BCL2: variants seen among roughly 807,000 people sequenced by gnomAD.
BCL2 encodes the protein apoptosis regulator Bcl-2.
A neutral mutation model predicts 14.2 loss-of-function variants in BCL2; 1 was observed. That is an observed-to-expected ratio of 0.07 (90% confidence interval 0.02 to 0.33). The LOEUF is 0.33. BCL2 is among the 10% of genes least tolerant of loss of function. The probability of loss-of-function intolerance (pLI) is 0.99; values close to 1 mark genes in which losing one functional copy is unlikely to be tolerated. For missense variants in BCL2, 247 were observed against 305.9 expected (o/e 0.81, Z 1.44); for synonymous variants, 151 against 137.2 (o/e 1.10, Z -0.70).
At chr18:63,158,579 G>C (rs755949175) in intron 2 of BCL2, among the ~76,000 whole-genome samples, 1 of 152,104 alleles carries the variant, frequency 6.6e-6, no homozygotes, top group Non-Finnish European at 1.5e-5. Context: ...TTAGGCAGTG[G>C]ACACAAGCCT....
At chr18:63,174,712 CG>C (rs1235876057) in intron 2 of BCL2, among the ~76,000 whole-genome samples, 1 of 149,438 alleles carries the variant, frequency 6.7e-6, no homozygotes, top group African/African-American at 2.5e-5. Context: ...CCCAGCTACT[CG>C]GGGGGCTGAG....
intron 2 of BCL2, among the ~76,000 whole-genome samples, chr18:63,152,843 T>C (rs766199251): frequency 1.3e-5 from 2 of 152,228 alleles, no homozygotes; most frequent in Non-Finnish European, 2.9e-5. Context: ...TTTTGTATTT[T>C]CCACCTATTT....
chr18:63,257,248 C>T lies in BCL2; in HGVS notation c.585+60834G>A, dbSNP rs571693008. On this transcript the variant is annotated intron_variant, in intron 2 of 2. Transcript: ENST00000333681. ...CTAAAAACTCACAGAGAGACCCATG[C>T]GGCTACTGTGTCATGTGATCAAACA... Among the ~76,000 whole-genome samples the T allele has an allele frequency of 3.9e-5, 6 of 152,310 alleles. No homozygotes were observed. In the South Asian group the frequency reaches 6.2e-4, roughly 16 times the overall value.
At chr18:63,287,785 A>T (rs902699594) in intron 2 of BCL2, among the ~76,000 whole-genome samples, 5 of 152,220 alleles carry the variant, frequency 3.3e-5, no homozygotes, top group African/African-American at 2.4e-5. Flanking sequence ...AAAACCTAAA[A>T]ACCAGAGATC....
At chr18:63,221,437 A>T (rs974942120) in intron 2 of BCL2, among the ~76,000 whole-genome samples, 2 of 152,224 alleles carry the variant, frequency 1.3e-5, no homozygotes, top group Non-Finnish European at 2.9e-5. Flanking sequence ...GGAAAAAAGG[A>T]AGGAAAAGGG....
intron 2 of BCL2, among the ~76,000 whole-genome samples, chr18:63,228,148 T>C (rs1334876283): frequency 6.6e-6 from 1 of 152,208 alleles, no homozygotes; most frequent in African/African-American, 2.4e-5. Flanking sequence ...GTGAGGGCCC[T>C]GCTGTTCTGA....
intron 2 of BCL2, among the ~76,000 whole-genome samples, chr18:63,158,382 A>C (rs2144615941): frequency 6.6e-6 from 1 of 152,166 alleles, no homozygotes; most frequent in African/African-American, 2.4e-5. Flanking sequence ...GGACTTCACT[A>C]ATTAGCATAG....
intron 2 of BCL2, among the ~76,000 whole-genome samples, chr18:63,166,677 C>A (rs900539643): frequency 2.0e-5 from 3 of 152,214 alleles, no homozygotes; most frequent in African/African-American, 7.2e-5. Flanking sequence ...CAACACTGGG[C>A]AGATGCTATC....
At chr18:63,159,618 G>A (rs750077074) in intron 2 of BCL2, among the ~76,000 whole-genome samples, 6 of 152,284 alleles carry the variant, frequency 3.9e-5, no homozygotes, top group Non-Finnish European at 5.9e-5. Context: ...GTGAGTGAGT[G>A]GACATTTATT....
At position 63,318,999 on chromosome 18, in the gene BCL2, C is replaced by T. The variant is rs935139908; in HGVS notation, c.-286-47G>A. On this transcript the variant is annotated intron_variant, in intron 1 of 2. Coordinates refer to ENST00000333681, the MANE Select transcript of BCL2 (RefSeq NM_000633.3). The surrounding 1 kb of genome is among the most constrained non-coding windows in gnomAD (Gnocchi z 7.4). ...AAACTAATAAGTAAAAAATCAGGTG[C>T]GTTTCCCTGTACACACTGAGTGAAA... 5 of 1,229,952 alleles carry T rather than the reference C, an allele frequency of 4.1e-6. No homozygotes were observed. In the Admixed American group the frequency reaches 1.7e-4, roughly 42 times the overall value. The allele number at this position is 1,229,952 out of a possible 1,614,324, so 76.2% of individuals were successfully genotyped here.
At chr18:63,271,258 T>C (rs1911995399) in intron 2 of BCL2, among the ~76,000 whole-genome samples, 1 of 152,202 alleles carries the variant, frequency 6.6e-6, no homozygotes, top group East Asian at 1.9e-4. Context: ...GGAATTCTTA[T>C]AAAATAATAA....
chr18:63,313,290 T>G (rs1913393318), intron 2 of BCL2, among the ~76,000 whole-genome samples: 1 of 152,214 alleles, frequency 6.6e-6, no homozygotes, highest in African/African-American at 2.4e-5. Context: ...ATCTGTGGAA[T>G]AACTGTCAGT....
Position 63,318,646 on chromosome 18 carries a change from T to C in BCL2, c.21A>G (p.Thr7=), listed in dbSNP as rs1801018. 0.4 allele frequency: 641,749 copies of C among 1,612,024 alleles called. 135,183 individuals are homozygous for C. Among genetic ancestry groups the C allele is most frequent in the Non-Finnish European group, 0.43 (508,232 of 1,178,952 alleles). The change falls in exon 2 of 3, where the codon ACA becomes ACG. Residue 7 remains threonine (T), a synonymous_variant. Coordinates refer to ENST00000333681, the MANE Select transcript of BCL2 (RefSeq NM_000633.3). The surrounding 1 kb of genome is among the most constrained non-coding windows in gnomAD (Gnocchi z 7.4). MAHAGR[T]GYDNREIVMK... The stretch of plus-strand genomic sequence containing the variant: ...TCACTATCTCCCGGTTATCGTACCC[T>C]GTTCTCCCAGCGTGCGCCATCCTTC...
At chr18:63,162,528 C>A (rs1234495403) in intron 2 of BCL2, among the ~76,000 whole-genome samples, 2 of 152,178 alleles carry the variant, frequency 1.3e-5, no homozygotes. Context: ...TGCAGGCAGG[C>A]ACGCGGGTGA....
Position 63,179,525 on chromosome 18 carries a change from G to A in BCL2, c.586-50766C>T, listed in dbSNP as rs186319840. ...CTCCTGGTGCTATTTGTAAAGGTGAGGAAAGGTAACGATACCAAAGGAGTT... is the reference window on the plus strand; with the variant it reads ...CTCCTGGTGCTATTTGTAAAGGTGAAGAAAGGTAACGATACCAAAGGAGTT... On this transcript the variant is annotated intron_variant, in intron 2 of 2. Transcript: ENST00000333681. Among the ~76,000 whole-genome samples, 251 of 151,736 alleles carry A rather than the reference G, an allele frequency of 1.7e-3. 1 individual carries two copies. Among genetic ancestry groups the A allele is most frequent in the African/African-American group, 5.4e-3 (221 of 41,174 alleles).
chr18:63,159,370 C>T (rs957910252), intron 2 of BCL2, among the ~76,000 whole-genome samples: 1 of 152,238 alleles, frequency 6.6e-6, no homozygotes, highest in African/African-American at 2.4e-5. Flanking sequence ...TTCACACGAA[C>T]ATCACTGCGT....
chr18:63,180,644 G>A lies in BCL2; in HGVS notation c.586-51885C>T, dbSNP rs183038636. ...CTGCCCTTGGTGAGAACTCTGCCTCGGAGAAGCAGGGGGAACTGAAGCTGC... is the reference window on the plus strand; with the variant it reads ...CTGCCCTTGGTGAGAACTCTGCCTCAGAGAAGCAGGGGGAACTGAAGCTGC... On this transcript the variant is annotated intron_variant, in intron 2 of 2. Transcript: ENST00000333681. Among the ~76,000 whole-genome samples the A allele has an allele frequency of 4.6e-3, 693 of 152,280 alleles. 16 individuals are homozygous for A. The highest frequency in any genetic ancestry group is 1.0e-3 in the Non-Finnish European group (69 of 68,028).
chr18:63,212,967 A>G (rs1910087982), intron 2 of BCL2, among the ~76,000 whole-genome samples: 1 of 152,218 alleles, frequency 6.6e-6, no homozygotes, highest in Non-Finnish European at 1.5e-5. Flanking sequence ...GAAAAACATA[A>G]AGAAATTTCA....
At chr18:63,161,717 A>C (rs1914926089) in intron 2 of BCL2, 1 of 152,198 alleles carries the variant, frequency 6.6e-6, no homozygotes, top group Admixed American at 6.5e-5. Flanking sequence ...TCCCATCAAC[A>C]AAAAGCCTCA....
Sources: gnomAD v4.1 joint callset for allele counts (sites outside exome capture counted in the v4.1 genomes callset) on GRCh38, gnomAD v4.1.1 for gene constraint, Gnocchi (gnomAD v3.1) non-coding constraint, MANE v1.5 for transcripts, NCBI Gene and HGNC (gene_info 2026-07-23, HGNC 2026-07-21) for gene names.